ZNF540: variants seen among roughly 807,000 people sequenced by gnomAD.
The protein encoded by ZNF540 is zinc finger protein 540, also known as CTD-3064H18.6.
Under a neutral mutation model 11.8 loss-of-function variants are expected in ZNF540, and 3 were observed. The observed-to-expected ratio is 0.25, with a 90% CI of 0.12 to 0.65. The LOEUF is 0.65. Ranked by LOEUF, ZNF540 falls within the 30% of genes least tolerant of loss-of-function variation. The probability of loss-of-function intolerance (pLI) is 0.83; values close to 1 mark genes in which losing one functional copy is unlikely to be tolerated. For synonymous variants in ZNF540, 247 were observed against 259.0 expected (o/e 0.95, Z 0.45); for missense variants, 709 against 793.1 (o/e 0.89, Z 1.27).
intron 4 of ZNF540, among the ~76,000 whole-genome samples, chr19:37,608,193 A>AC (rs1394528860): frequency 6.6e-6 from 1 of 151,690 alleles, no homozygotes; most frequent in Non-Finnish European, 1.5e-5. Context: ...TTTTATGCTT[A>AC]CCCCCAGAGT....
intron 1 of ZNF540, among the ~76,000 whole-genome samples, chr19:37,553,009 GTT>G (rs34788856): frequency 0.47 from 64,998 of 139,078 alleles, 16,040 homozygotes; most frequent in Middle Eastern, 0.63. Flanking sequence ...TTTGCATGGT[GTT>G]TTTTTTTTTT....
chr19:37,583,730 G>A, intron 1 of ZNF540: 1 of 401,418 alleles, frequency 2.5e-6, no homozygotes, highest in Admixed American at 4.0e-5. Flanking sequence ...GGTCATGCTA[G>A]GGGATTCCCA....
upstream of ZNF540, chr19:37,594,304 C>T (rs2043952342): frequency 1.3e-5 from 2 of 152,268 alleles, no homozygotes. Flanking sequence ...TACTGCGGCC[C>T]GGGAGGGGCC....
At chr19:37,600,964 C>A in intron 3 of ZNF540, 46 bp from the exon 4 acceptor site, 1 of 1,455,230 alleles carries the variant, frequency 6.9e-7, no homozygotes, top group Non-Finnish European at 9.4e-7. Flanking sequence ...TCTGAATGTG[C>A]AATGTTTTAT....
At chr19:37,563,561 C>T (rs1262041672) in intron 1 of ZNF540, 1 of 151,468 alleles carries the variant, frequency 6.6e-6, no homozygotes, top group African/African-American at 2.4e-5. Flanking sequence ...GGAATATATA[C>T]ATATATGGTA....
At chr19:37,566,109 A>T (rs1356214392) in intron 1 of ZNF540, 2 of 1,613,960 alleles carry the variant, frequency 1.2e-6, no homozygotes, top group Non-Finnish European at 1.7e-6. Flanking sequence ...ACACACATGT[A>T]AAGCCCTTCC....
At chr19:37,584,888 C>G (rs1303589716) in intron 1 of ZNF540, among the ~76,000 whole-genome samples, 1 of 150,412 alleles carries the variant, frequency 6.6e-6, no homozygotes, top group African/African-American at 2.5e-5. Context: ...GGCGTGAACC[C>G]TGGAGGCGGA....
intron 1 of ZNF540, chr19:37,566,149 T>G: frequency 6.2e-7 from 1 of 1,614,026 alleles, no homozygotes; most frequent in Non-Finnish European, 8.5e-7. Context: ...CTAAGTTGCC[T>G]TTGCACTCCA....
intron 1 of ZNF540, chr19:37,583,794 CAG>C (rs1325514174): frequency 1.8e-6 from 1 of 558,704 alleles, no homozygotes; most frequent in Non-Finnish European, 3.1e-6. Context: ...CAGGAAGTGA[CAG>C]AGAAAGATGT....
At chr19:37,568,766 T>C (rs1047141246) in intron 1 of ZNF540, among the ~76,000 whole-genome samples, 1 of 152,014 alleles carries the variant, frequency 6.6e-6, no homozygotes, top group African/African-American at 2.4e-5. Flanking sequence ...AAAAACTATA[T>C]GGTGAAAAAA....
intron 1 of ZNF540, among the ~76,000 whole-genome samples, chr19:37,596,656 T>TA (rs2043998262): frequency 6.6e-6 from 1 of 152,216 alleles, no homozygotes; most frequent in Non-Finnish European, 1.5e-5. Flanking sequence ...TTATTTTCCT[T>TA]AGACAGGGTC....
At chr19:37,559,248 ACT>A (rs1482682546) in intron 1 of ZNF540, among the ~76,000 whole-genome samples, 1 of 152,172 alleles carries the variant, frequency 6.6e-6, no homozygotes, top group Non-Finnish European at 1.5e-5. Flanking sequence ...GGAAAGAAAC[ACT>A]CTCACACATT....
Position 37,612,570 on chromosome 19 carries a change from T to C in ZNF540, c.1290T>C (p.Ser430=), listed in dbSNP as rs148993850. ...FSYSGDLRVH[S]RIHTGEKPYE... ...ATAGTGGTGACCTCAGAGTACATTC[T>C]AGAATTCATACTGGAGAGAAACCAT... The change falls in exon 5 of 5, where the codon TCT becomes TCC. Residue 430 remains serine, a synonymous_variant. Transcript: ENST00000316433. The C allele has an allele frequency of 4.1e-4, 664 of 1,613,882 alleles. 1 individual carries two copies. Among genetic ancestry groups the C allele is most frequent in the Non-Finnish European group, 5.3e-4 (631 of 1,179,982 alleles).
chr19:37,590,331 G>A (rs188097291), upstream of ZNF540, among the ~76,000 whole-genome samples: 9 of 151,886 alleles, frequency 5.9e-5, no homozygotes, highest in East Asian at 1.4e-3. Flanking sequence ...GCAGGAGAAC[G>A]GCGTGAACCC....
upstream of ZNF540, among the ~76,000 whole-genome samples, chr19:37,592,643 CTGT>C (rs2043900958): frequency 6.6e-6 from 1 of 152,208 alleles, no homozygotes; most frequent in African/African-American, 2.4e-5. Flanking sequence ...GGACATCAGA[CTGT>C]AAGGGCCTCA....
chr19:37,564,902 T>C (rs761152908), intron 1 of ZNF540: 1 of 1,614,090 alleles, frequency 6.2e-7, no homozygotes, highest in Non-Finnish European at 8.5e-7. Flanking sequence ...AATAAAGGCC[T>C]TGTCACATTC....
chr19:37,563,158 T>C (rs1245233463), intron 1 of ZNF540: 1 of 151,396 alleles, frequency 6.6e-6, no homozygotes, highest in East Asian at 1.9e-4. Flanking sequence ...TGAGACCCCA[T>C]CTCTAAAAAA....
At chr19:37,607,083 A>C (rs2044091344) in intron 4 of ZNF540, among the ~76,000 whole-genome samples, 1 of 152,002 alleles carries the variant, frequency 6.6e-6, no homozygotes, top group African/African-American at 2.4e-5. Context: ...GCAATATTTT[A>C]TTAGTTTAGA....
At chr19:37,560,671 A>C (rs1283860976) in intron 1 of ZNF540, 2 of 152,182 alleles carry the variant, frequency 1.3e-5, no homozygotes, top group Non-Finnish European at 2.9e-5. Flanking sequence ...ATTTTTAAAA[A>C]GAAAAACATG....
Sources: allele counts gnomAD v4.1 joint callset (sites outside exome capture counted in the v4.1 genomes callset), GRCh38; gene constraint gnomAD v4.1.1; transcripts MANE v1.5; gene names NCBI Gene and HGNC (gene_info 2026-07-23, HGNC 2026-07-21).